The following CACNA2D2 variants were observed in gnomAD, a reference collection of about 807,000 sequenced individuals.
The protein encoded by CACNA2D2 is voltage-dependent calcium channel subunit alpha-2/delta-2.
Under a neutral mutation model 166.4 loss-of-function variants are expected in CACNA2D2, and 48 were observed. The observed-to-expected ratio is 0.29, with a 90% CI of 0.23 to 0.37. The LOEUF (loss-of-function observed/expected upper bound fraction) is 0.37, where lower values mean the gene tolerates loss of function less well. Among genes scored for constraint, CACNA2D2 ranks in the 10% least tolerant of loss-of-function variants. The probability of loss-of-function intolerance (pLI) is 1.00; values close to 1 mark genes in which losing one functional copy is unlikely to be tolerated. For synonymous variants in CACNA2D2, 561 were observed against 573.7 expected (o/e 0.98, Z 0.32); for missense variants, 1,122 against 1,433.0 (o/e 0.78, Z 3.50).
rs1214195529 is a variant in CACNA2D2, at chr3:50,378,265, G to A, written c.1389+19C>T. The A allele has an allele frequency of 6.4e-7, 1 of 1,554,204 alleles. No homozygotes were observed. Among genetic ancestry groups the A allele is most frequent in the African/African-American group, 1.4e-5 (1 of 73,202 alleles). ...CAGGGAAGCCAGGGGCTGGGAGGAG[G>A]GGCCTCCCCAAGTCTCACCTGTGTG... On this transcript the variant is annotated intron_variant, in intron 14 of 37. Coordinates refer to ENST00000424201, the MANE Select transcript of CACNA2D2 (RefSeq NM_006030.4).
intron 3 of CACNA2D2, among the ~76,000 whole-genome samples, chr3:50,421,984 C>T (rs773045007): frequency 2.6e-4 from 39 of 152,086 alleles, no homozygotes; most frequent in Non-Finnish European, 1.8e-4. Context: ...CCTGACCATC[C>T]ACGTTGGTTC....
At chr3:50,381,874 G>A (rs1219826724) in intron 6 of CACNA2D2, among the ~76,000 whole-genome samples, 3 of 151,928 alleles carry the variant, frequency 2.0e-5, no homozygotes, top group Non-Finnish European at 4.4e-5. Flanking sequence ...ACCTACAGGG[G>A]ACACTCATGG....
At chr3:50,368,088 C>G in intron 24 of CACNA2D2, 50 bp downstream of exon 24, 3 of 1,407,910 alleles carry the variant, frequency 2.1e-6, no homozygotes, top group Non-Finnish European at 3.0e-6. Context: ...TGGGCTGGCC[C>G]CATGCTGCCT....
chr3:50,483,822 C>T (rs1698163599), intron 1 of CACNA2D2, among the ~76,000 whole-genome samples: 1 of 152,198 alleles, frequency 6.6e-6, no homozygotes, highest in Non-Finnish European at 1.5e-5. Flanking sequence ...GAGGCCTGAG[C>T]CAGTGGTGAC....
At chr3:50,387,328 G>A (rs1157236750) in intron 5 of CACNA2D2, among the ~76,000 whole-genome samples, 1 of 152,160 alleles carries the variant, frequency 6.6e-6, no homozygotes, top group African/African-American at 2.4e-5. Flanking sequence ...GTGCGGGAAG[G>A]GCCAAGCGCC....
intron 23 of CACNA2D2, among the ~76,000 whole-genome samples, chr3:50,369,133 C>T (rs1160736199): frequency 2.0e-5 from 3 of 152,208 alleles, no homozygotes. Flanking sequence ...AGTGTACAGC[C>T]TGCACCTCTG....
At chr3:50,418,753 T>C (rs1575657662) in intron 3 of CACNA2D2, among the ~76,000 whole-genome samples, 1 of 152,068 alleles carries the variant, frequency 6.6e-6, no homozygotes, top group African/African-American at 2.4e-5. Context: ...GAGAATGAGG[T>C]GGAGGGATGG....
At chr3:50,484,204 A>G (rs1051635340) in intron 1 of CACNA2D2, among the ~76,000 whole-genome samples, 1 of 152,036 alleles carries the variant, frequency 6.6e-6, no homozygotes, top group African/African-American at 2.4e-5. Context: ...CATCCAATCT[A>G]TCAGCAAGTG....
intron 1 of CACNA2D2, among the ~76,000 whole-genome samples, chr3:50,498,583 T>C (rs77576200): frequency 0.048 from 7,346 of 152,244 alleles, 554 homozygotes; most frequent in African/African-American, 0.16. Context: ...GGGTGCTCCA[T>C]GATGGCCTGT....
In CACNA2D2 at chr3:50,472,433, G is replaced by A. The variant is rs147400454; in HGVS notation, c.288+3685C>T. Among the ~76,000 whole-genome samples the A allele has an allele frequency of 1.8e-3, 267 of 152,258 alleles. 2 individuals are homozygous for A. In the East Asian group the frequency reaches 0.018, roughly 10 times the overall value. On this transcript the variant is annotated intron_variant, in intron 2 of 37. Transcript: ENST00000424201. Reference sequence around the variant, plus strand: ...TGTGGCCTCCAAACATGGCTGTCTCGGGTTCCTGCTTCTAGCCCAGCTCTG... The same window carrying A: ...TGTGGCCTCCAAACATGGCTGTCTCAGGTTCCTGCTTCTAGCCCAGCTCTG...
At chr3:50,384,431 C>T in intron 5 of CACNA2D2, 94 bp from the exon 6 acceptor site, 1 of 1,411,084 alleles carries the variant, frequency 7.1e-7, no homozygotes, top group South Asian at 1.3e-5. Flanking sequence ...GGCCAGAGTC[C>T]AGGAGATAGG....
rs774062995 is a variant in CACNA2D2 at position 50,427,108 on chromosome 3, C to T, written c.405+7205G>A. ...TGACCCCAGGGACACTTGGGTTTAC[C>T]GTCCCTTCCGCAGACATCCAGGCCA... On this transcript the variant is annotated intron_variant, in intron 3 of 37. Coordinates refer to ENST00000424201, the MANE Select transcript of CACNA2D2 (RefSeq NM_006030.4). The surrounding 1 kb of genome is among the most constrained non-coding windows in gnomAD (Gnocchi z 4.7). Among the ~76,000 whole-genome samples the T allele has an allele frequency of 8.5e-5, 13 of 152,202 alleles. No individual in the cohort carries two copies. The highest frequency in any genetic ancestry group is 1.3e-4 in the Admixed American group (2 of 15,284).
At chr3:50,484,664 C>T (rs1024468538) in intron 1 of CACNA2D2, among the ~76,000 whole-genome samples, 1 of 152,214 alleles carries the variant, frequency 6.6e-6, no homozygotes, top group Non-Finnish European at 1.5e-5. Flanking sequence ...AAATTGCACC[C>T]CCCCCAGCAG....
At chr3:50,493,633 C>T (rs532060617) in intron 1 of CACNA2D2, among the ~76,000 whole-genome samples, 7 of 152,348 alleles carry the variant, frequency 4.6e-5, no homozygotes, top group Non-Finnish European at 7.3e-5. Context: ...ATGAGGAAAA[C>T]CCACCACACA....
At chr3:50,493,943 A>C (rs1190776482) in intron 1 of CACNA2D2, among the ~76,000 whole-genome samples, 1 of 152,204 alleles carries the variant, frequency 6.6e-6, no homozygotes, top group African/African-American at 2.4e-5. Context: ...CAGGACCTTC[A>C]AGTGTCCCAG....
chr3:50,462,587 G>A (rs2107016627), intron 2 of CACNA2D2, among the ~76,000 whole-genome samples: 1 of 152,078 alleles, frequency 6.6e-6, no homozygotes, highest in East Asian at 1.9e-4. Flanking sequence ...ATCATGTTAT[G>A]CACAAAAGGG....
Position 50,379,554 on chromosome 3 carries a change from G to A in CACNA2D2, c.1030C>T (p.His344Tyr). 1 of 1,614,018 alleles carries A rather than the reference G, an allele frequency of 6.2e-7. No individual in the cohort carries two copies. The highest frequency in any genetic ancestry group is 8.5e-7 in the Non-Finnish European group (1 of 1,180,044). Reference sequence around the variant, plus strand: ...TTGCGCACATTGGCCTGCACCAGGTGTGTGAAGCATGACACAGGCTGTGCC... The same window carrying A: ...TTGCGCACATTGGCCTGCACCAGGTATGTGAAGCATGACACAGGCTGTGCC... ...EKAQPVSCFT[H>Y]LVQANVRNKK... Residue 344 changes from histidine (H) to tyrosine (Y), a missense_variant, in exon 11 of 38, where the codon CAC (histidine) becomes TAC (tyrosine). Coordinates refer to ENST00000424201, the MANE Select transcript of CACNA2D2 (RefSeq NM_006030.4). The surrounding 1 kb of genome is among the most constrained non-coding windows in gnomAD (Gnocchi z 6.5).
intron 22 of CACNA2D2, among the ~76,000 whole-genome samples, chr3:50,371,346 ATGTG>A (rs35155126): frequency 3.4e-4 from 51 of 148,468 alleles, no homozygotes; most frequent in Non-Finnish European, 4.6e-4. Flanking sequence ...GTGAGCATGC[ATGTG>A]TGTGTGTGTG....
chr3:50,378,813 G>T, intron 13 of CACNA2D2, 102 bp downstream of exon 13: 2 of 1,368,390 alleles, frequency 1.5e-6, no homozygotes, highest in South Asian at 1.2e-5. Context: ...GTCTTGCAGC[G>T]GGTGAACACA....
Sources: gnomAD v4.1 joint callset for allele counts (sites outside exome capture counted in the v4.1 genomes callset) on GRCh38, gnomAD v4.1.1 for gene constraint, Gnocchi (gnomAD v3.1) non-coding constraint, MANE v1.5 for transcripts, NCBI Gene and HGNC (gene_info 2026-07-23, HGNC 2026-07-21) for gene names.